The following DTNA variants were observed in gnomAD, a reference collection of about 807,000 sequenced individuals.
DTNA encodes the protein dystrophin-related protein 3.
A neutral mutation model predicts 100.7 loss-of-function variants in DTNA; 43 were observed. The observed-to-expected ratio is 0.43, with a 90% CI of 0.33 to 0.55. The LOEUF is 0.55. DTNA is among the 20% of genes least tolerant of loss of function. The probability of loss-of-function intolerance (pLI) is 0.04; values close to 1 mark genes in which losing one functional copy is unlikely to be tolerated. For synonymous variants in DTNA, 349 were observed against 347.9 expected (o/e 1.00, Z -0.04); for missense variants, 798 against 953.9 (o/e 0.84, Z 2.15).
At chr18:34,520,188 A>G (rs1186754514) in intron 1 of DTNA, among the ~76,000 whole-genome samples, 2 of 152,202 alleles carry the variant, frequency 1.3e-5, no homozygotes, top group African/African-American at 2.4e-5. Context: ...TGCTCTCTTA[A>G]CAGCCAGTGT....
chr18:34,677,167 A>G (rs1055620873), intron 1 of DTNA, among the ~76,000 whole-genome samples: 6 of 152,150 alleles, frequency 3.9e-5, no homozygotes, highest in African/African-American at 1.4e-4. Context: ...TTAGTAGAAA[A>G]GGAACAGCAG....
At chr18:34,715,031 G>A (rs1203648052) in intron 1 of DTNA, among the ~76,000 whole-genome samples, 2 of 147,496 alleles carry the variant, frequency 1.4e-5, no homozygotes, top group African/African-American at 5.0e-5. Context: ...CACAGGAAGG[G>A]GAATATCACA....
At chr18:34,625,060 A>G (rs1255948521) in intron 1 of DTNA, among the ~76,000 whole-genome samples, 1 of 148,868 alleles carries the variant, frequency 6.7e-6, no homozygotes, top group East Asian at 2.0e-4. Flanking sequence ...TTTGAGACAG[A>G]GTCCCACTCT....
At chr18:34,723,580 G>A (rs2085867749) in intron 1 of DTNA, among the ~76,000 whole-genome samples, 1 of 152,064 alleles carries the variant, frequency 6.6e-6, no homozygotes, top group African/African-American at 2.4e-5. Context: ...ATGGGCAAGG[G>A]ACATAAGATG....
In DTNA at chr18:34,812,281, A is replaced by G. The variant is rs59586657; in HGVS notation, c.603+168A>G. Among the ~76,000 whole-genome samples the G allele has an allele frequency of 0.18, 26,933 of 152,182 alleles. 3,337 individuals are homozygous for G. The highest frequency in any genetic ancestry group is 0.36 in the African/African-American group (14,744 of 41,472). On this transcript the variant is annotated intron_variant, in intron 6 of 22. Coordinates refer to ENST00000444659, the MANE Select transcript of DTNA (RefSeq NM_001386795.1). ...GACCTCTGAGCCAGTAACTAAACCC[A>G]GCACATCTGGATCACAATAATAGAC...
chr18:34,877,297 A>G (rs916619666), intron 18 of DTNA, among the ~76,000 whole-genome samples: 7 of 152,218 alleles, frequency 4.6e-5, no homozygotes, highest in African/African-American at 1.7e-4. Context: ...TAAGGGCAAG[A>G]AAAATAATAG....
Position 34,766,423 on chromosome 18 carries a change from G to A in DTNA, c.148+382G>A, listed in dbSNP as rs144001223. On this transcript the variant is annotated intron_variant, in intron 3 of 22. Transcript: ENST00000444659. ...CCAACATCATTCTCAGCAAACTATC[G>A]CAAGGACAAAAAACCAAACACCACA... Among the ~76,000 whole-genome samples, 39 of 151,920 alleles carry A rather than the reference G, an allele frequency of 2.6e-4. 1 individual carries two copies. In the East Asian group the frequency reaches 3.7e-3, roughly 14 times the overall value.
chr18:34,660,816 C>T (rs927397231), intron 1 of DTNA, among the ~76,000 whole-genome samples: 7 of 152,136 alleles, frequency 4.6e-5, no homozygotes, highest in Non-Finnish European at 1.0e-4. Context: ...CCTTGAAGCT[C>T]CCCACCCCCG....
chr18:34,785,905 A>T (rs1360910831), intron 3 of DTNA, among the ~76,000 whole-genome samples: 1 of 152,192 alleles, frequency 6.6e-6, no homozygotes, highest in Non-Finnish European at 1.5e-5. Context: ...CACTTATTGT[A>T]TGAGAGAAGT....
intron 16 of DTNA, among the ~76,000 whole-genome samples, chr18:34,859,771 G>C (rs1357622683): frequency 6.6e-6 from 1 of 151,658 alleles, no homozygotes; most frequent in Non-Finnish European, 1.5e-5. Context: ...CTGCATTTCA[G>C]TGCACTTCTC....
intron 1 of DTNA, among the ~76,000 whole-genome samples, chr18:34,651,873 G>A (rs1417965903): frequency 6.6e-6 from 1 of 152,072 alleles, no homozygotes; most frequent in South Asian, 2.1e-4. Flanking sequence ...AGACCAGCCT[G>A]AGGAACACAG....
intron 1 of DTNA, among the ~76,000 whole-genome samples, chr18:34,571,672 G>A (rs2047604013): frequency 1.3e-5 from 2 of 152,170 alleles, no homozygotes; most frequent in Non-Finnish European, 2.9e-5. Context: ...ATGTTAGCAA[G>A]AGTTTTATCC....
At chr18:34,511,773 CA>C (rs1212879673) in intron 1 of DTNA, among the ~76,000 whole-genome samples, 3 of 152,054 alleles carry the variant, frequency 2.0e-5, no homozygotes, top group Middle Eastern at 3.4e-3. Context: ...AAAAATGAAT[CA>C]CAGTTTATAG....
intron 3 of DTNA, among the ~76,000 whole-genome samples, chr18:34,783,288 C>T (rs777773907): frequency 6.6e-6 from 1 of 152,164 alleles, no homozygotes; most frequent in Non-Finnish European, 1.5e-5. Context: ...TTCTGGTCTG[C>T]AGACACAATT....
intron 1 of DTNA, among the ~76,000 whole-genome samples, chr18:34,704,952 C>T (rs2081929770): frequency 6.6e-6 from 1 of 152,120 alleles, no homozygotes; most frequent in South Asian, 2.1e-4. Context: ...TGCAAACACA[C>T]CTGGGTTTAC....
Position 34,758,607 on chromosome 18 carries a change from A to G in DTNA, c.67+2564A>G, listed in dbSNP as rs181321564. 2.4e-4 allele frequency among the ~76,000 whole-genome samples: 37 copies of G among 152,336 alleles called. 1 individual carries two copies. The East Asian group carries it at 6.6e-3, about 27-fold the overall frequency. ...TACCCTCCTGATAAGACTTGGAGATAGAGGTGATAAGTCCTTCAATTATTA... is the reference window on the plus strand; with the variant it reads ...TACCCTCCTGATAAGACTTGGAGATGGAGGTGATAAGTCCTTCAATTATTA... On this transcript the variant is annotated intron_variant, in intron 2 of 22. Coordinates refer to ENST00000444659, the MANE Select transcript of DTNA (RefSeq NM_001386795.1).
At chr18:34,716,283 C>T (rs1175068868) in intron 1 of DTNA, among the ~76,000 whole-genome samples, 7 of 152,140 alleles carry the variant, frequency 4.6e-5, no homozygotes, top group Admixed American at 1.3e-4. Context: ...AGAAGTCGGC[C>T]GGGCACCGTG....
At chr18:34,506,615 C>A (rs962713062) in intron 1 of DTNA, among the ~76,000 whole-genome samples, 5 of 152,078 alleles carry the variant, frequency 3.3e-5, no homozygotes, top group African/African-American at 1.2e-4. Flanking sequence ...GTTCCTTAGG[C>A]CAGAGAGAGT....
chr18:34,519,445 TTAAA>T (rs573996169), intron 1 of DTNA, among the ~76,000 whole-genome samples: 336 of 152,174 alleles, frequency 2.2e-3, no homozygotes, highest in African/African-American at 7.5e-3. Flanking sequence ...ACAAACTTCA[TTAAA>T]TAAATAAATA....
Sources: gnomAD v4.1 joint callset for allele counts (sites outside exome capture counted in the v4.1 genomes callset) on GRCh38, gnomAD v4.1.1 for gene constraint, MANE v1.5 for transcripts, NCBI Gene and HGNC (gene_info 2026-07-23, HGNC 2026-07-21) for gene names.